The following ACAT1 variants were observed in gnomAD, a reference collection of about 807,000 sequenced individuals.
The protein encoded by ACAT1 is acetyl-CoA acetyltransferase 1, also known as acetyl-CoA acetyltransferase, mitochondrial.
Under a neutral mutation model 47.3 loss-of-function variants are expected in ACAT1, and 28 were observed. That is an observed-to-expected ratio of 0.59 (90% confidence interval 0.44 to 0.81). ACAT1 has a LOEUF of 0.81. ACAT1 is among the 30% of genes least tolerant of loss of function. ACAT1 has a pLI of 0.00. For missense variants in ACAT1, 469 were observed against 524.3 expected (o/e 0.89, Z 1.03); for synonymous variants, 181 against 173.6 (o/e 1.04, Z -0.34).
chr11:108,126,796 T>C (rs188983792), intron 1 of ACAT1, among the ~76,000 whole-genome samples: 30 of 42,414 alleles, frequency 7.1e-4, no homozygotes, highest in East Asian at 1.4e-3. Flanking sequence ...GTTTTCTTTT[T>C]TTTTTTTTTT....
At chr11:108,134,372 C>T (rs1354623849) in intron 4 of ACAT1, 56 bp downstream of exon 4, 16 of 1,412,840 alleles carry the variant, frequency 1.1e-5, no homozygotes, top group Non-Finnish European at 1.5e-5. Flanking sequence ...GGGCCGGGTG[C>T]GGTGGCTCAT....
In ACAT1 at chr11:108,140,432, A is replaced by C. The variant is rs563247842; in HGVS notation, c.730+217A>C. On this transcript the variant is annotated intron_variant, in intron 7 of 11. Coordinates refer to ENST00000265838, the MANE Select transcript of ACAT1 (RefSeq NM_000019.4). ...CCCTGAGTATTACTTTAAATTTGAG[A>C]AATTTATTAGAACTTTTTCCTGTGA... Among the ~76,000 whole-genome samples the C allele has an allele frequency of 7.4e-4, 112 of 152,344 alleles. 1 individual carries two copies. In the Middle Eastern group the frequency reaches 0.017, roughly 23 times the overall value.
intron 9 of ACAT1, 124 bp from the exon 10 acceptor site, chr11:108,143,859 T>C: frequency 1.0e-6 from 1 of 997,268 alleles, no homozygotes; most frequent in Non-Finnish European, 1.4e-6. Flanking sequence ...AAGGAAGACA[T>C]ATATTTACAT....
chr11:108,130,308 G>A (rs1028016332), intron 1 of ACAT1, among the ~76,000 whole-genome samples: 4 of 152,120 alleles, frequency 2.6e-5, no homozygotes, highest in Non-Finnish European at 5.9e-5. Context: ...GTTGTCCTTT[G>A]AGAAAGACAT....
At chr11:108,135,061 A>C in intron 4 of ACAT1, 81 bp from the exon 5 acceptor site, 1 of 884,850 alleles carries the variant, frequency 1.1e-6, no homozygotes, top group Non-Finnish European at 1.9e-6. Context: ...GAAATGTTGT[A>C]GTTTATAGTA....
chr11:108,144,207 A>C, intron 10 of ACAT1, 160 bp downstream of exon 10: 1 of 769,344 alleles, frequency 1.3e-6, no homozygotes, highest in African/African-American at 1.8e-5. Context: ...AAGAGCAACA[A>C]GGATAACAAA....
At position 108,141,551 on chromosome 11, in the gene ACAT1, T is replaced by C. The variant is rs753583314; in HGVS notation, c.731-54T>C. 1,098 of 1,375,858 alleles carry C rather than the reference T, an allele frequency of 8.0e-4. 1 individual carries two copies. The highest frequency in any genetic ancestry group is 1.0e-3 in the Non-Finnish European group (1,008 of 977,090). 85.2% of individuals were successfully genotyped at this position (1,375,858 alleles called of 1,614,324 possible). A position where few individuals can be genotyped will look rare whatever the true frequency, so the allele number is the denominator to read the frequency against. On this transcript the variant is annotated intron_variant, in intron 7 of 11. Transcript: ENST00000265838. ...ACTAGGCATCTTGTACAACAGTTGC[T>C]TGCTGAATGACTACTTGTTTTGAGC...
upstream of ACAT1, chr11:108,121,541 G>T: frequency 1.3e-6 from 2 of 1,507,010 alleles, no homozygotes; most frequent in Non-Finnish European, 1.8e-6. Flanking sequence ...GGCCGCTAGG[G>T]GTGCGGGGTT....
At chr11:108,136,405 A>T in intron 5 of ACAT1, 2 of 260,684 alleles carry the variant, frequency 7.7e-6, no homozygotes, top group Non-Finnish European at 1.4e-5. Flanking sequence ...TAGACTTTCC[A>T]AAAATTGTGT....
rs771328733 is a variant in ACAT1, at chr11:108,142,503, C to T, written c.893C>T (p.Ala298Val). The change falls in exon 9 of 12, where the codon GCA (alanine) becomes GTA (valine). Residue 298 changes from alanine (A) to valine (V), a missense_variant. Physicochemically the swap from Ala to Val is moderately conservative, Grantham distance 64. Coordinates refer to ENST00000265838, the MANE Select transcript of ACAT1 (RefSeq NM_000019.4). ...GCAGCTGCTCTGGTTCTCATGACGG[C>T]AGATGCAGCGAAGAGGCTCAATGTT... ...DGAAALVLMT[A>V]DAAKRLNVTP... is the part of the protein sequence containing the mutation. 6 of 1,614,166 alleles carry T rather than the reference C, an allele frequency of 3.7e-6. No homozygotes were observed. Among genetic ancestry groups the T allele is most frequent in the Admixed American group, 3.3e-5 (2 of 60,016 alleles).
intron 5 of ACAT1, among the ~76,000 whole-genome samples, chr11:108,138,412 T>G (rs995511030): frequency 6.6e-6 from 1 of 150,550 alleles, no homozygotes; most frequent in African/African-American, 2.4e-5. Flanking sequence ...TTTTTTTTTT[T>G]CTTTTGAGGA....
chr11:108,143,899 A>C, intron 9 of ACAT1, 84 bp from the exon 10 acceptor site: 1 of 1,506,364 alleles, frequency 6.6e-7, no homozygotes, highest in Non-Finnish European at 9.1e-7. Context: ...ATGTGCATTT[A>C]ATGGGCTAAA....
chr11:108,131,643 C>T (rs368006950), intron 1 of ACAT1, among the ~76,000 whole-genome samples: 23 of 151,958 alleles, frequency 1.5e-4, no homozygotes, highest in Admixed American at 7.9e-4. Flanking sequence ...TGAGCCACCA[C>T]GCCTGGCCAA....
chr11:108,120,005 T>C (rs1045576199), upstream of ACAT1, among the ~76,000 whole-genome samples: 7 of 152,012 alleles, frequency 4.6e-5, no homozygotes, highest in Non-Finnish European at 1.0e-4. Context: ...TTGCGTGAGC[T>C]CAGGAGTTTG....
chr11:108,119,050 A>G (rs536869981), upstream of ACAT1, among the ~76,000 whole-genome samples: 8 of 152,310 alleles, frequency 5.3e-5, no homozygotes, highest in East Asian at 1.5e-3. Context: ...CAACTGTGTC[A>G]CTAACTACTA....
chr11:108,121,311 C>A (rs533682565), upstream of ACAT1: 4 of 542,554 alleles, frequency 7.4e-6, no homozygotes, highest in Non-Finnish European at 1.3e-5. Context: ...AACCACCGGC[C>A]CCGGCAGGTT....
chr11:108,134,362 G>C lies in ACAT1; in HGVS notation c.334+46G>C, dbSNP rs947316145. 4.0e-6 allele frequency: 6 copies of C among 1,503,046 alleles called. No individual in the cohort carries two copies. The Middle Eastern group carries it at 5.2e-4, about 130-fold the overall frequency. 93.1% of individuals were successfully genotyped at this position (1,503,046 alleles called of 1,614,324 possible). ...CTTTTATACTTAAAATGTGTAAAAG[G>C]GGCCGGGTGCGGTGGCTCATGCCTG... is the stretch of plus-strand genomic sequence containing the variant. On this transcript the variant is annotated intron_variant, in intron 4 of 11. Transcript: ENST00000265838.
At chr11:108,117,926 T>C (rs907805812), upstream of ACAT1, among the ~76,000 whole-genome samples, 2 of 152,210 alleles carry the variant, frequency 1.3e-5, no homozygotes, top group African/African-American at 4.8e-5. Flanking sequence ...AATAATACTT[T>C]GCAAGACCTA....
Position 108,134,894 on chromosome 11 carries a change from C to G in ACAT1, c.335-248C>G, listed in dbSNP as rs4753831. Among the ~76,000 whole-genome samples, 141,083 of 141,876 alleles carry G rather than the reference C, an allele frequency of 0.99. 70,151 individuals carry two copies. The highest frequency in any genetic ancestry group is 1 in the Middle Eastern group (278 of 278). 93.1% of individuals were successfully genotyped at this position (141,876 alleles called of 152,430 possible). A position where few individuals can be genotyped will look rare whatever the true frequency, so the allele number is the denominator to read the frequency against. On this transcript the variant is annotated intron_variant, in intron 4 of 11. Coordinates refer to ENST00000265838, the MANE Select transcript of ACAT1 (RefSeq NM_000019.4). ...CAGGAGGTGGAGCTTGCAGTGAGCC[C>G]AGATCGCGCCACTGCACGCCAGCTT...
Sources: gnomAD v4.1 joint callset for allele counts (sites outside exome capture counted in the v4.1 genomes callset) on GRCh38, gnomAD v4.1.1 for gene constraint, MANE v1.5 for transcripts, NCBI Gene and HGNC (gene_info 2026-07-23, HGNC 2026-07-21) for gene names.